LOXL2: variants seen among roughly 807,000 people sequenced by gnomAD.
LOXL2 encodes lysyl oxidase homolog 2.
In LOXL2, 70 loss-of-function variants were observed where a neutral mutation model predicts 93.0. The observed-to-expected ratio is 0.75, with a 90% confidence interval of 0.62 to 0.92. LOXL2 has a LOEUF of 0.92. LOXL2 is among the 40% of genes least tolerant of loss of function. LOXL2 has a pLI of 0.00. For missense variants in LOXL2, 973 were observed against 1,054.9 expected (o/e 0.92, Z 1.08); for synonymous variants, 438 against 413.2 (o/e 1.06, Z -0.73).
chr8:23,371,417 G>A (rs999564161), intron 1 of LOXL2, among the ~76,000 whole-genome samples: 17 of 151,984 alleles, frequency 1.1e-4, no homozygotes, highest in Admixed American at 1.1e-3. Context: ...TGTAAAACAG[G>A]AAGAATGTCC....
At chr8:23,402,781 A>G (rs1262730299) in intron 1 of LOXL2, 1 of 147,134 alleles carries the variant, frequency 6.8e-6, no homozygotes, top group African/African-American at 2.6e-5. Flanking sequence ...CTCTGGGAGA[A>G]AAAAAAAAAA....
At chr8:23,385,563 G>C (rs1309166278) in intron 1 of LOXL2, among the ~76,000 whole-genome samples, 1 of 152,060 alleles carries the variant, frequency 6.6e-6, no homozygotes, top group African/African-American at 2.4e-5. Flanking sequence ...CCCAGCCAAA[G>C]TTGGATGTTT....
Position 23,368,412 on chromosome 8 carries a change from GGT to G in LOXL2, c.-63_-62del. Reference sequence around the variant, plus strand: ...CTGCGCAGCTGGGAGGGACAGGCGGGGTACAGAAGCAGCAGGAGCTTTCTGGA... The same window carrying G: ...CTGCGCAGCTGGGAGGGACAGGCGGGACAGAAGCAGCAGGAGCTTTCTGGA... On this transcript the variant is annotated 5_prime_UTR_variant, in exon 2 of 14. Coordinates refer to ENST00000389131, the MANE Select transcript of LOXL2 (RefSeq NM_002318.3). 1 of 1,445,426 alleles carries G rather than the reference GGT, an allele frequency of 6.9e-7. No homozygotes were observed. The highest frequency in any genetic ancestry group is 9.6e-7 in the Non-Finnish European group (1 of 1,039,784). The allele number at this position is 1,445,426 out of a possible 1,614,324, so 89.5% of individuals were successfully genotyped here.
At chr8:23,340,747 G>A (rs1056369351) in intron 4 of LOXL2, among the ~76,000 whole-genome samples, 1 of 152,300 alleles carries the variant, frequency 6.6e-6, no homozygotes, top group Non-Finnish European at 1.5e-5. Flanking sequence ...CTTCCCACAA[G>A]CTACTCTAGG....
chr8:23,323,660 C>G (rs2117161636), intron 6 of LOXL2, among the ~76,000 whole-genome samples: 1 of 140,530 alleles, frequency 7.1e-6, no homozygotes, highest in South Asian at 2.1e-4. Context: ...TTGTAAAAGG[C>G]CAATTAATTA....
chr8:23,355,234 C>T (rs989896537), intron 3 of LOXL2, among the ~76,000 whole-genome samples: 37 of 151,900 alleles, frequency 2.4e-4, no homozygotes, highest in Non-Finnish European at 4.0e-4. Flanking sequence ...CGTGAGCCAC[C>T]GCATCCGGCC....
chr8:23,375,880 G>A (rs1804579391), intron 1 of LOXL2, among the ~76,000 whole-genome samples: 1 of 152,200 alleles, frequency 6.6e-6, no homozygotes, highest in African/African-American at 2.4e-5. Context: ...CATGTCACCT[G>A]CAAACAGGGA....
At chr8:23,320,076 G>C (rs374109391) in intron 7 of LOXL2, 24 bp from the exon 8 acceptor site, 4 of 1,612,088 alleles carry the variant, frequency 2.5e-6, no homozygotes, top group African/African-American at 1.3e-5. Context: ...GGCAGGCCAC[G>C]GTCACCAAGA....
chr8:23,322,024 G>C (rs1803505249), intron 7 of LOXL2, 106 bp downstream of exon 7: 1 of 1,233,270 alleles, frequency 8.1e-7, no homozygotes, highest in Admixed American at 2.0e-5. Flanking sequence ...GTCTGCAGCA[G>C]TACTAGCAGC....
In LOXL2 at chr8:23,317,172, T is replaced by C. The variant is rs538881351; in HGVS notation, c.1471-58A>G. On this transcript the variant is annotated intron_variant, in intron 8 of 13. Transcript: ENST00000389131. ...ATCATCTCAAACTGTCACTTTCTCA[T>C]ATCCTATCAACTTGCAGCCTCACAA... 1,874 of 1,556,004 alleles carry C rather than the reference T, an allele frequency of 1.2e-3. 22 individuals are homozygous for C. In the South Asian group the frequency reaches 0.013, roughly 11 times the overall value.
chr8:23,341,419 G>A (rs1803881598), intron 3 of LOXL2: 1 of 583,740 alleles, frequency 1.7e-6, no homozygotes, highest in African/African-American at 1.9e-5. Flanking sequence ...AGGCTGAAAG[G>A]ACCCAACAGG....
chr8:23,379,209 C>G (rs767496101), intron 1 of LOXL2, among the ~76,000 whole-genome samples: 4 of 151,648 alleles, frequency 2.6e-5, no homozygotes, highest in Non-Finnish European at 5.9e-5. Context: ...CACTCCAGAC[C>G]CTGTTTGCCT....
chr8:23,351,805 A>G (rs977906783), intron 3 of LOXL2, among the ~76,000 whole-genome samples: 2 of 152,118 alleles, frequency 1.3e-5, no homozygotes, highest in African/African-American at 2.4e-5. Context: ...ATAGACTCTT[A>G]GTAAATAGAA....
chr8:23,310,025 TGAC>T lies in LOXL2; in HGVS notation c.1637-117_1637-115del. On this transcript the variant is annotated intron_variant, in intron 9 of 13. Transcript: ENST00000389131. ...TCCTGCCTACCGCCACCTTCTGGAA[TGAC>T]TCAAGGGCTCCTCAAGGTTACCTTC... 3 of 1,201,204 alleles carry T rather than the reference TGAC, an allele frequency of 2.5e-6. No homozygotes were observed. The East Asian group carries it at 8.6e-5, about 35-fold the overall frequency. 74.4% of individuals were successfully genotyped at this position (1,201,204 alleles called of 1,614,324 possible).
At position 23,391,112 on chromosome 8, in the gene LOXL2, C is replaced by T. The variant is rs564772564; in HGVS notation, c.-84+12842G>A. ...GTTGCCCCATGATTCAATTATCTCC[C>T]ACTGGGTCCCTTCCACAACATGTGG... On this transcript the variant is annotated intron_variant, in intron 1 of 13. Transcript: ENST00000389131. Among the ~76,000 whole-genome samples, 5 of 152,202 alleles carry T rather than the reference C, an allele frequency of 3.3e-5. No individual in the cohort carries two copies. In the South Asian group the frequency reaches 1.0e-3, roughly 32 times the overall value.
chr8:23,356,738 T>G (rs1169549784), intron 3 of LOXL2, among the ~76,000 whole-genome samples: 1 of 152,282 alleles, frequency 6.6e-6, no homozygotes, highest in East Asian at 1.9e-4. Flanking sequence ...GAGGGAGGCC[T>G]TCTAGGAAAA....
chr8:23,326,071 C>T (rs1421848039), intron 6 of LOXL2, among the ~76,000 whole-genome samples: 2 of 152,220 alleles, frequency 1.3e-5, no homozygotes, highest in South Asian at 2.1e-4. Flanking sequence ...TGGGTGTGGT[C>T]ACTGAGTCCA....
intron 10 of LOXL2, among the ~76,000 whole-genome samples, chr8:23,308,738 T>C (rs1223477085): frequency 6.6e-6 from 1 of 152,180 alleles, no homozygotes; most frequent in Non-Finnish European, 1.5e-5. Context: ...GATTTCACCC[T>C]GTTCTTCTGT....
chr8:23,342,090 C>T (rs538473230), intron 3 of LOXL2, among the ~76,000 whole-genome samples: 61 of 152,188 alleles, frequency 4.0e-4, no homozygotes, highest in African/African-American at 1.4e-3. Context: ...GGGGCATGGG[C>T]GAGAGGAAGG....
Sources: gnomAD v4.1 joint callset for allele counts (sites outside exome capture counted in the v4.1 genomes callset) on GRCh38, gnomAD v4.1.1 for gene constraint, MANE v1.5 for transcripts, NCBI Gene and HGNC (gene_info 2026-07-23, HGNC 2026-07-21) for gene names.